TTC23L: variants seen among roughly 807,000 people sequenced by gnomAD.
The protein encoded by TTC23L is tetratricopeptide repeat domain 23 like, also known as tetratricopeptide repeat protein 23-like.
TTC23L carries 42 observed loss-of-function variants against 48.1 expected under a neutral mutation model. The observed-to-expected ratio is 0.87, with a 90% confidence interval of 0.68 to 1.13. The LOEUF is 1.13. Ranked by LOEUF, TTC23L falls within the 50% of genes most tolerant of loss-of-function variation. TTC23L has a pLI of 0.00. For synonymous variants in TTC23L, 159 were observed against 157.2 expected (o/e 1.01, Z -0.09); for missense variants, 391 against 421.0 (o/e 0.93, Z 0.62).
intron 8 of TTC23L, among the ~76,000 whole-genome samples, chr5:34,876,819 C>T (rs1363147862): frequency 6.6e-6 from 1 of 151,074 alleles, no homozygotes; most frequent in African/African-American, 2.4e-5. Context: ...AGGGGAACAT[C>T]ACACATCAGG....
chr5:34,917,817 G>A, the TTC23L span, among the ~76,000 whole-genome samples: 1 of 152,124 alleles, frequency 6.6e-6, no homozygotes, highest in East Asian at 1.9e-4. Context: ...TGAGACATCT[G>A]TCATGGAGAG....
chr5:34,853,304 G>C (rs111334122), intron 4 of TTC23L, among the ~76,000 whole-genome samples: 13,545 of 152,180 alleles, frequency 0.089, 946 homozygotes, highest in South Asian at 0.14. Flanking sequence ...GCTGAGGTGA[G>C]TGGATCACTT....
chr5:34,869,643 G>C (rs1247490525), intron 8 of TTC23L: 1 of 152,214 alleles, frequency 6.6e-6, no homozygotes, highest in East Asian at 1.9e-4. Flanking sequence ...TCAGTGGCCT[G>C]TCAGGAGGAA....
At chr5:34,839,357 G>T (rs1443709860) in intron 1 of TTC23L, 98 bp downstream of exon 1, 3 of 152,832 alleles carry the variant, frequency 2.0e-5, no homozygotes, top group Non-Finnish European at 4.4e-5. Flanking sequence ...TCTCCGCCTT[G>T]AGCCAGGTGC....
chr5:34,869,068 T>C, intron 8 of TTC23L, 55 bp downstream of exon 8: 3 of 1,374,608 alleles, frequency 2.2e-6, no homozygotes, highest in East Asian at 2.5e-5. Flanking sequence ...GGGAAGCACA[T>C]TGGCAAACAG....
chr5:34,925,243 A>C, the TTC23L span: 3 of 1,599,158 alleles, frequency 1.9e-6, no homozygotes, highest in Non-Finnish European at 2.6e-6. Context: ...GTGTCATAAG[A>C]TCCATCACAG....
At chr5:34,914,350 A>G in the TTC23L span, 1 of 303,380 alleles carries the variant, frequency 3.3e-6, no homozygotes, top group Non-Finnish European at 6.3e-6. Context: ...AACGGGAATA[A>G]TAACAGAACC....
At chr5:34,844,823 C>T (rs1758976521) in intron 2 of TTC23L, among the ~76,000 whole-genome samples, 1 of 152,116 alleles carries the variant, frequency 6.6e-6, no homozygotes. Flanking sequence ...GGATATTTCT[C>T]CTCTGAATCT....
chr5:34,880,250 A>C, exon 9 of TTC23L: 1 of 1,613,684 alleles, frequency 6.2e-7, no homozygotes, highest in Non-Finnish European at 8.5e-7. Context: ...GAGGATTTTG[A>C]AACACTGAGC....
chr5:34,921,778 G>C, the TTC23L span: 1 of 153,626 alleles, frequency 6.5e-6, no homozygotes, highest in East Asian at 1.9e-4. Flanking sequence ...GATGGCACAG[G>C]CCTGTAATAT....
chr5:34,878,233 G>A (rs1761993105), intron 8 of TTC23L, among the ~76,000 whole-genome samples: 2 of 152,140 alleles, frequency 1.3e-5, no homozygotes, highest in Admixed American at 1.3e-4. Context: ...AGGTATTGTG[G>A]TGTGTTCCTG....
the TTC23L span, chr5:34,915,023 C>G: frequency 3.4e-5 from 32 of 941,470 alleles, no homozygotes; most frequent in Non-Finnish European, 4.8e-5. Flanking sequence ...GCTCCACCTG[C>G]GCTGAGAGGT....
chr5:34,850,223 C>A, exon 4 of TTC23L: 2 of 1,613,922 alleles, frequency 1.2e-6, no homozygotes, highest in Non-Finnish European at 8.5e-7. Flanking sequence ...GATGTGTCAT[C>A]CTTTCTCGGA....
chr5:34,922,281 A>G, the TTC23L span: 2 of 1,555,194 alleles, frequency 1.3e-6, no homozygotes, highest in East Asian at 2.3e-5. Context: ...CAGGATCTCT[A>G]TATGTGGTAA....
chr5:34,905,555 CACT>C, the TTC23L span: 1 of 150,870 alleles, frequency 6.6e-6, no homozygotes, highest in Non-Finnish European at 1.5e-5. Context: ...TCGGTGGAAG[CACT>C]ACATCATCGA....
intron 4 of TTC23L, among the ~76,000 whole-genome samples, chr5:34,859,840 C>CTTTTTTTTTTTTT (rs10590697): frequency 3.1e-5 from 3 of 95,362 alleles, no homozygotes; most frequent in Non-Finnish European, 6.3e-5. Flanking sequence ...TTTTCTTCTT[C>CTTTTTTTTTTTTT]TTTTTTTTTT....
chr5:34,851,373 G>C (rs549082411), intron 4 of TTC23L, among the ~76,000 whole-genome samples: 2 of 152,270 alleles, frequency 1.3e-5, no homozygotes, highest in East Asian at 3.9e-4. Context: ...CTCAGTTATT[G>C]ATCTCAGAAT....
At chr5:34,865,285 G>T (rs540919414) in intron 6 of TTC23L, among the ~76,000 whole-genome samples, 1 of 152,166 alleles carries the variant, frequency 6.6e-6, no homozygotes, top group Non-Finnish European at 1.5e-5. Context: ...GCACAGTAGG[G>T]TATATGACTG....
chr5:34,848,826 A>C (rs1759438259), intron 3 of TTC23L, among the ~76,000 whole-genome samples: 1 of 152,330 alleles, frequency 6.6e-6, no homozygotes, highest in East Asian at 1.9e-4. Context: ...GGGTCAGATT[A>C]TGCAGAGCCT....
Sources: gnomAD v4.1 joint callset for allele counts (sites outside exome capture counted in the v4.1 genomes callset) on GRCh38, gnomAD v4.1.1 for gene constraint, MANE v1.5 for transcripts, NCBI Gene and HGNC (gene_info 2026-07-23, HGNC 2026-07-21) for gene names.